CALN1: variants seen among roughly 807,000 people sequenced by gnomAD.
CALN1 encodes the protein calcium-binding protein 8.
A neutral mutation model predicts 30.6 loss-of-function variants in CALN1; 17 were observed. That is an observed-to-expected ratio of 0.56 (90% CI 0.38 to 0.83). The LOEUF (loss-of-function observed/expected upper bound fraction) is 0.83. CALN1 is among the 40% of genes least tolerant of loss of function. The pLI, the probability that CALN1 is intolerant of heterozygous loss-of-function variation, is 0.00. For missense variants in CALN1, 291 were observed against 354.9 expected (o/e 0.82, Z 1.45); for synonymous variants, 156 against 131.4 (o/e 1.19, Z -1.28).
intron 4 of CALN1, among the ~76,000 whole-genome samples, chr7:72,086,590 T>G (rs1406271868): frequency 6.6e-6 from 1 of 152,064 alleles, no homozygotes; most frequent in African/African-American, 2.4e-5. Flanking sequence ...CGTGCCACCA[T>G]GCCTGGCTAC....
At chr7:72,237,715 G>A (rs191312328) in intron 3 of CALN1, among the ~76,000 whole-genome samples, 10 of 152,254 alleles carry the variant, frequency 6.6e-5, no homozygotes, top group African/African-American at 2.2e-4. Context: ...TCCCCAAAAT[G>A]ACCAACACAA....
chr7:72,086,372 G>T (rs1179644346), intron 4 of CALN1, among the ~76,000 whole-genome samples: 1 of 151,994 alleles, frequency 6.6e-6, no homozygotes, highest in Non-Finnish European at 1.5e-5. Context: ...CCTAACCCTG[G>T]TATTAAAAAC....
rs1801251330 is a variant in CALN1, at chr7:72,326,000, C to G, written c.120-47190G>C. Among the ~76,000 whole-genome samples the G allele has an allele frequency of 3.9e-5, 6 of 152,178 alleles. No individual in the cohort carries two copies. The South Asian group carries it at 1.2e-3, about 32-fold the overall frequency. On this transcript the variant is annotated intron_variant, in intron 2 of 6. Coordinates refer to ENST00000395275, the MANE Select transcript of CALN1 (RefSeq NM_031468.4). Reference sequence around the variant, plus strand: ...CACTGCAACCTCCACCTCCCGGGTTCAAGCGATTCTCCTGCCTCAAGCCTT... The same window carrying G: ...CACTGCAACCTCCACCTCCCGGGTTGAAGCGATTCTCCTGCCTCAAGCCTT...
rs77718062 is a variant in CALN1 at position 72,441,026 on chromosome 7, CA to C, written c.-226+6015del. Among the ~76,000 whole-genome samples the C allele has an allele frequency of 0.021, 3,182 of 151,966 alleles. 279 individuals are homozygous for C. The East Asian group carries it at 0.3, about 14-fold the overall frequency. ...TATATACATGTCAAAAAATGCTATCCAAAATGCTTTATGGAAGTAGACAAGG... is the reference window on the plus strand; with the variant it reads ...TATATACATGTCAAAAAATGCTATCCAAATGCTTTATGGAAGTAGACAAGG... On this transcript the variant is annotated intron_variant, in intron 1 of 6. Coordinates refer to the CALN1 transcript ENST00000395276.
intron 1 of CALN1, among the ~76,000 whole-genome samples, chr7:72,403,868 G>A (rs978878456): frequency 3.9e-5 from 6 of 152,174 alleles, no homozygotes; most frequent in African/African-American, 9.7e-5. Context: ...GGACTGAGCT[G>A]GAAATCACCG....
chr7:71,974,456 G>GA (rs914041530), intron 5 of CALN1, among the ~76,000 whole-genome samples: 18 of 109,440 alleles, frequency 1.6e-4, no homozygotes, highest in East Asian at 1.4e-3. Context: ...AAAAGAAAAA[G>GA]AAAAAAAAAC....
intron 2 of CALN1, among the ~76,000 whole-genome samples, chr7:72,369,330 A>AT (rs1285237361): frequency 2.1e-5 from 3 of 145,500 alleles, no homozygotes; most frequent in African/African-American, 7.5e-5. Flanking sequence ...TAATATATAT[A>AT]ATTTATAAAT....
chr7:72,002,629 T>A (rs577574270), intron 5 of CALN1, among the ~76,000 whole-genome samples: 5 of 152,160 alleles, frequency 3.3e-5, no homozygotes, highest in Non-Finnish European at 5.9e-5. Context: ...GAAGATGACA[T>A]CAACTTTGAT....
At chr7:72,290,519 C>G (rs34478621) in intron 2 of CALN1, among the ~76,000 whole-genome samples, 51,685 of 151,896 alleles carry the variant, frequency 0.34, 10,086 homozygotes, top group Middle Eastern at 0.54. Flanking sequence ...TCTGGACAAC[C>G]ACCTAAAATC....
intron 4 of CALN1, among the ~76,000 whole-genome samples, chr7:72,066,999 G>C (rs1310723527): frequency 6.6e-6 from 1 of 151,008 alleles, no homozygotes; most frequent in Non-Finnish European, 1.5e-5. Flanking sequence ...ATGTTGCCCA[G>C]GGTGGTTTTG....
intron 5 of CALN1, among the ~76,000 whole-genome samples, chr7:71,966,228 G>C (rs572297492): frequency 2.6e-5 from 4 of 152,292 alleles, no homozygotes; most frequent in Non-Finnish European, 4.4e-5. Context: ...AATTAGTGTG[G>C]CTATGTTGCA....
chr7:72,039,128 G>A (rs539463325), intron 4 of CALN1, among the ~76,000 whole-genome samples: 77 of 152,180 alleles, frequency 5.1e-4, no homozygotes, highest in South Asian at 1.7e-3. Context: ...CACAATTTTG[G>A]ATATTTGAAC....
chr7:72,395,648 A>C (rs1366000335), intron 2 of CALN1, among the ~76,000 whole-genome samples: 1 of 152,210 alleles, frequency 6.6e-6, no homozygotes, highest in Non-Finnish European at 1.5e-5. Context: ...GGTGAAAGTC[A>C]GATTGCCAAG....
chr7:72,033,206 C>A (rs1483521956), intron 4 of CALN1, among the ~76,000 whole-genome samples: 4 of 152,160 alleles, frequency 2.6e-5, no homozygotes, highest in African/African-American at 9.7e-5. Flanking sequence ...GGGCAGGAAG[C>A]TGCAGGAGTG....
intron 4 of CALN1, among the ~76,000 whole-genome samples, chr7:72,074,281 G>A (rs1471697705): frequency 6.6e-6 from 1 of 152,182 alleles, no homozygotes; most frequent in African/African-American, 2.4e-5. Flanking sequence ...AATGTTTCCA[G>A]AGAGAAGACA....
At chr7:72,376,242 C>G (rs146718453) in intron 2 of CALN1, among the ~76,000 whole-genome samples, 1 of 152,240 alleles carries the variant, frequency 6.6e-6, no homozygotes, top group African/African-American at 2.4e-5. Context: ...GTTTTCAATT[C>G]TTTTGTGTAT....
intron 5 of CALN1, among the ~76,000 whole-genome samples, chr7:71,996,898 C>T (rs535316590): frequency 1.6e-4 from 24 of 151,502 alleles, no homozygotes; most frequent in Non-Finnish European, 3.2e-4. Flanking sequence ...AAAAAAGAAC[C>T]AGCTGGGCTT....
intron 5 of CALN1, among the ~76,000 whole-genome samples, chr7:71,940,018 C>CCG (rs1796043537): frequency 1.3e-5 from 2 of 152,162 alleles, no homozygotes; most frequent in Non-Finnish European, 2.9e-5. Flanking sequence ...TGCACAAAAA[C>CCG]TGTGTCCCCT....
In CALN1 at chr7:71,790,326, GAAGGAAA is replaced by G. The variant is rs1562779683; in HGVS notation, c.659-2431_659-2425del. 9.9e-5 allele frequency among the ~76,000 whole-genome samples: 13 copies of G among 131,606 alleles called. No homozygotes were observed. In the South Asian group the frequency reaches 1.4e-3, roughly 14 times the overall value. The allele number at this position is 131,606 out of a possible 152,430, so 86.3% of individuals were successfully genotyped here. ...GAGAAAGAAAGAAGAAAGAAAGAAA[GAAGGAAA>G]GAAAGAAAGAAAGAAAAGAAAGAAA... On this transcript the variant is annotated intron_variant, in intron 6 of 6. Coordinates refer to ENST00000395275, the MANE Select transcript of CALN1 (RefSeq NM_031468.4).
Sources: gnomAD v4.1 joint callset for allele counts (sites outside exome capture counted in the v4.1 genomes callset) on GRCh38, gnomAD v4.1.1 for gene constraint, MANE v1.5 for transcripts, NCBI Gene and HGNC (gene_info 2026-07-23, HGNC 2026-07-21) for gene names.